The following FANCL variants were observed in gnomAD, a reference collection of about 807,000 sequenced individuals.
FANCL encodes E3 ubiquitin-protein ligase FANCL.
FANCL carries 69 observed loss-of-function variants against 59.4 expected under a neutral mutation model. That is an observed-to-expected ratio of 1.16 (90% CI 0.96 to 1.42). The LOEUF (loss-of-function observed/expected upper bound fraction) is 1.42. Among genes scored for constraint, FANCL ranks in the 40% most tolerant of loss-of-function variants. The pLI, the probability that FANCL is intolerant of heterozygous loss-of-function variation, is 0.00. For missense variants in FANCL, 519 were observed against 447.2 expected, an observed-to-expected ratio of 1.16 and a Z score of -1.45; for synonymous variants, 180 against 147.1, an observed-to-expected ratio of 1.22 and a Z score of -1.62.
chr2:58,183,927 C>G (rs1292495091), intron 7 of FANCL, among the ~76,000 whole-genome samples: 2 of 151,968 alleles, frequency 1.3e-5, no homozygotes, highest in Non-Finnish European at 2.9e-5. Flanking sequence ...TTAAGCAAGA[C>G]ATACTCAGCC....
At position 58,159,723 on chromosome 2, in the gene FANCL, T is replaced by C. The variant is rs751435009; in HGVS notation, c.*42A>G. On this transcript the variant is annotated 3_prime_UTR_variant, in exon 14 of 14. Transcript: ENST00000233741. Reference sequence around the variant, plus strand: ...GATACCAAAATTCCTTTTGATAATTTTTTAAGTTTCCAGCTCTTCACCGAA... The same window carrying C: ...GATACCAAAATTCCTTTTGATAATTCTTTAAGTTTCCAGCTCTTCACCGAA... 1.2e-6 allele frequency: 2 copies of C among 1,612,186 alleles called. No homozygotes were observed. The highest frequency in any genetic ancestry group is 1.1e-5 in the South Asian group (1 of 90,544).
At chr2:58,234,907 G>T (rs959586768) in intron 1 of FANCL, among the ~76,000 whole-genome samples, 1 of 151,944 alleles carries the variant, frequency 6.6e-6, no homozygotes. Context: ...TTAAAAATTG[G>T]ACAAAACATA....
intron 4 of FANCL, among the ~76,000 whole-genome samples, chr2:58,225,053 C>A (rs766631841): frequency 1.3e-4 from 20 of 151,512 alleles, no homozygotes; most frequent in Non-Finnish European, 2.1e-4. Context: ...AATAAATGAA[C>A]CTGGGGCAAC....
chr2:58,204,968 T>C (rs765437556), intron 5 of FANCL, among the ~76,000 whole-genome samples: 1 of 152,086 alleles, frequency 6.6e-6, no homozygotes, highest in Non-Finnish European at 1.5e-5. Context: ...TTGAGTAGCA[T>C]AAGCTACTGC....
At chr2:58,188,715 C>T (rs993811991) in intron 7 of FANCL, among the ~76,000 whole-genome samples, 2 of 150,056 alleles carry the variant, frequency 1.3e-5, no homozygotes, top group Non-Finnish European at 3.0e-5. Context: ...GTTGGGATTA[C>T]GGGTGTGAGA....
At position 58,199,569 on chromosome 2, in the gene FANCL, T is replaced by C. The variant is rs1281804962; in HGVS notation, c.472-907A>G. 2.6e-5 allele frequency among the ~76,000 whole-genome samples: 4 copies of C among 152,132 alleles called. No homozygotes were observed. The East Asian group carries it at 7.7e-4, about 29-fold the overall frequency. Reference sequence around the variant, plus strand: ...GAAAAACCTTTGAAAGATTGCTAAATACAAAATTATTTCTTCAACTAGTCA... The same window carrying C: ...GAAAAACCTTTGAAAGATTGCTAAACACAAAATTATTTCTTCAACTAGTCA... On this transcript the variant is annotated intron_variant, in intron 6 of 13. Coordinates refer to ENST00000233741, the MANE Select transcript of FANCL (RefSeq NM_018062.4).
intron 3 of FANCL, 107 bp from the exon 4 acceptor site, chr2:58,226,891 T>C (rs910201294): frequency 1.2e-6 from 1 of 862,986 alleles, no homozygotes; most frequent in Non-Finnish European, 1.9e-6. Context: ...AGATTAGCTA[T>C]ATCTACATCT....
chr2:58,164,164 A>G (rs1685623783), intron 8 of FANCL, among the ~76,000 whole-genome samples: 1 of 152,022 alleles, frequency 6.6e-6, no homozygotes, highest in Non-Finnish European at 1.5e-5. Flanking sequence ...TTTTAACTGT[A>G]CTGGACTACA....
chr2:58,181,302 GA>G (rs1687919010), intron 7 of FANCL, among the ~76,000 whole-genome samples: 1 of 152,066 alleles, frequency 6.6e-6, no homozygotes, highest in African/African-American at 2.4e-5. Context: ...ATGTAGGAAA[GA>G]GTACATACTG....
chr2:58,161,489 G>GA (rs751767432), intron 12 of FANCL, 33 bp downstream of exon 12: 4 of 1,336,306 alleles, frequency 3.0e-6, no homozygotes, highest in South Asian at 2.3e-5. Context: ...TGTGTTAGCG[G>GA]AAAAAAGTCT....
At chr2:58,202,772 T>G (rs957066450) in intron 6 of FANCL, among the ~76,000 whole-genome samples, 2 of 151,840 alleles carry the variant, frequency 1.3e-5, no homozygotes, top group Non-Finnish European at 2.9e-5. Context: ...GAACTAAATG[T>G]CATCAACTTG....
Position 58,165,617 on chromosome 2 carries a change from GTTGAC to G in FANCL, c.691+102_691+106del. 5.0e-6 allele frequency: 7 copies of G among 1,391,048 alleles called. No individual in the cohort carries two copies. The South Asian group carries it at 7.4e-5, about 15-fold the overall frequency. 86.2% of individuals were successfully genotyped at this position (1,391,048 alleles called of 1,614,324 possible). On this transcript the variant is annotated intron_variant, in intron 8 of 13. Coordinates refer to ENST00000233741, the MANE Select transcript of FANCL (RefSeq NM_018062.4). ...AAGTTTATACTAGAAAATTTTAATA[GTTGAC>G]TTCATATAAAGAAGTCTGAGTCCAA... is the stretch of plus-strand genomic sequence containing the variant.
rs535018953 is a variant in FANCL, at chr2:58,163,402, A to G, written c.775+32T>C. On this transcript the variant is annotated intron_variant, in intron 9 of 13. Transcript: ENST00000233741. ...TGCTAGGCAAGGATTTTATGACTCT[A>G]TTAAAAAACGTTTAAATCTCAGATG... 60 of 1,400,718 alleles carry G rather than the reference A, an allele frequency of 4.3e-5. No individual in the cohort carries two copies. The South Asian group carries it at 6.5e-4, about 15-fold the overall frequency. 86.8% of individuals were successfully genotyped at this position (1,400,718 alleles called of 1,614,324 possible). A position where few individuals can be genotyped will look rare whatever the true frequency, so the allele number is the denominator to read the frequency against.
chr2:58,159,678 TTTA>T lies in FANCL; in HGVS notation c.*84_*86del. On this transcript the variant is annotated 3_prime_UTR_variant, in exon 14 of 14. Transcript: ENST00000233741. ...TCCTTTTGATGTTAGTATTTCTTGC[TTTA>T]TTTTTTCTCTGAAGATGATACCAAA... The T allele has an allele frequency of 6.2e-7, 1 of 1,612,720 alleles. No individual in the cohort carries two copies.
chr2:58,203,970 C>T (rs1308417596), intron 6 of FANCL, among the ~76,000 whole-genome samples, 160 bp downstream of exon 6: 2 of 151,970 alleles, frequency 1.3e-5, no homozygotes, highest in African/African-American at 4.8e-5. Context: ...CTTTTGGAAA[C>T]GTGGTGAATA....
At chr2:58,217,623 G>T (rs778525938) in intron 5 of FANCL, among the ~76,000 whole-genome samples, 10 of 151,468 alleles carry the variant, frequency 6.6e-5, no homozygotes, top group Non-Finnish European at 1.0e-4. Flanking sequence ...ATAACAAAAG[G>T]GAAAACCAAC....
chr2:58,159,732 T>C lies in FANCL; in HGVS notation c.*33A>G, dbSNP rs552335433. ...ATTCCTTTTGATAATTTTTTAAGTT[T>C]CCAGCTCTTCACCGAAATGTTGTAT... On this transcript the variant is annotated 3_prime_UTR_variant, in exon 14 of 14. Transcript: ENST00000233741. The C allele has an allele frequency of 6.2e-7, 1 of 1,612,798 alleles. No individual in the cohort carries two copies. Among genetic ancestry groups the C allele is most frequent in the African/African-American group, 1.3e-5 (1 of 74,966 alleles).
chr2:58,173,025 G>A (rs530921575), intron 7 of FANCL, among the ~76,000 whole-genome samples: 16 of 152,348 alleles, frequency 1.1e-4, no homozygotes, highest in Non-Finnish European at 1.9e-4. Flanking sequence ...TCAACTGGAA[G>A]AAAGGGTATC....
chr2:58,214,254 T>G (rs770205464), intron 5 of FANCL, among the ~76,000 whole-genome samples: 1 of 152,232 alleles, frequency 6.6e-6, no homozygotes, highest in African/African-American at 2.4e-5. Context: ...GGCTTTCATC[T>G]ATTATCGAAG....
Sources: gnomAD v4.1 joint callset for allele counts (sites outside exome capture counted in the v4.1 genomes callset) on GRCh38, gnomAD v4.1.1 for gene constraint, MANE v1.5 for transcripts, NCBI Gene and HGNC (gene_info 2026-07-23, HGNC 2026-07-21) for gene names.